TTLL5: variants seen among roughly 807,000 people sequenced by gnomAD.
TTLL5 encodes the protein tubulin polyglutamylase TTLL5.
TTLL5 carries 132 observed loss-of-function variants against 168.4 expected under a neutral mutation model. The observed-to-expected ratio is 0.78, with a 90% CI of 0.68 to 0.91. TTLL5 has a LOEUF of 0.91. TTLL5 is among the 40% of genes least tolerant of loss of function. TTLL5 has a pLI of 0.00. For synonymous variants in TTLL5, 546 were observed against 558.6 expected, an observed-to-expected ratio of 0.98 and a Z score of 0.32; for missense variants, 1,545 against 1,581.5, an observed-to-expected ratio of 0.98 and a Z score of 0.39.
rs769288774 is a variant in TTLL5, at chr14:75,908,003, C to T, written c.3823+5779C>T. Reference sequence around the variant, plus strand: ...TTCCTTGAACCTCATTCATTAGTATCCTTTACAATCCACCCTGAACATTAC... The same window carrying T: ...TTCCTTGAACCTCATTCATTAGTATTCTTTACAATCCACCCTGAACATTAC... On this transcript the variant is annotated intron_variant, in intron 31 of 31. Coordinates refer to ENST00000298832, the MANE Select transcript of TTLL5 (RefSeq NM_015072.5). Among the ~76,000 whole-genome samples the T allele has an allele frequency of 2.6e-5, 4 of 152,310 alleles. No individual in the cohort carries two copies. The South Asian group carries it at 8.3e-4, about 32-fold the overall frequency.
At position 75,690,312 on chromosome 14, in the gene TTLL5, G is replaced by A. The variant is rs374875191; in HGVS notation, c.492G>A (p.Ala164=). The change falls in exon 6 of 32, where the codon GCG becomes GCA. Residue 164 remains alanine, a synonymous_variant. Coordinates refer to ENST00000298832, the MANE Select transcript of TTLL5 (RefSeq NM_015072.5). ...CCTTCCTCCTGCCAGCTGAGTACGCGGAATTTTGTAGTAAGTGCTTGACAG... is the reference window on the plus strand; with the variant it reads ...CCTTCCTCCTGCCAGCTGAGTACGCAGAATTTTGTAGTAAGTGCTTGACAG... ...PQTFLLPAEY[A]EFCNSYSKDR... 251 of 1,605,682 alleles carry A rather than the reference G, an allele frequency of 1.6e-4. No homozygotes were observed. The highest frequency in any genetic ancestry group is 6.6e-4 in the Middle Eastern group (4 of 6,062).
chr14:75,899,510 G>A (rs548969321), intron 30 of TTLL5, among the ~76,000 whole-genome samples: 52 of 152,352 alleles, frequency 3.4e-4, no homozygotes, highest in African/African-American at 1.1e-3. Flanking sequence ...GTGTACCAGT[G>A]TTTCCATGGA....
intron 5 of TTLL5, chr14:75,689,330 C>T (rs1372434182): frequency 6.6e-6 from 1 of 152,218 alleles, no homozygotes; most frequent in African/African-American, 2.4e-5. Flanking sequence ...ACCTAGCTCT[C>T]TCACTCCCAC....
chr14:75,894,055 A>G (rs2032537515), intron 30 of TTLL5, among the ~76,000 whole-genome samples: 1 of 152,204 alleles, frequency 6.6e-6, no homozygotes, highest in Non-Finnish European at 1.5e-5. Context: ...ATTTAGAGAT[A>G]ACAAAGATAA....
chr14:75,757,616 T>C (rs1890362292), intron 18 of TTLL5, among the ~76,000 whole-genome samples: 1 of 152,234 alleles, frequency 6.6e-6, no homozygotes, highest in African/African-American at 2.4e-5. Context: ...TGTCCTTTTT[T>C]GTTTTTTATT....
chr14:75,855,786 C>G (rs1435733399), intron 28 of TTLL5, among the ~76,000 whole-genome samples: 1 of 152,188 alleles, frequency 6.6e-6, no homozygotes, highest in Non-Finnish European at 1.5e-5. Context: ...TTGAGTTTCT[C>G]CAGGTTAACC....
intron 31 of TTLL5, among the ~76,000 whole-genome samples, chr14:75,937,122 A>AT (rs33999782): frequency 0.78 from 114,182 of 146,204 alleles, 44,474 homozygotes; most frequent in Admixed American, 0.83. Flanking sequence ...GTACATTTAC[A>AT]TTTTTTTTTT....
chr14:75,873,275 C>T (rs546073356), intron 29 of TTLL5, among the ~76,000 whole-genome samples: 11 of 152,122 alleles, frequency 7.2e-5, no homozygotes, highest in East Asian at 2.0e-4. Flanking sequence ...GGGGTTTCAC[C>T]GTGTTAGCCA....
chr14:75,831,326 T>A (rs1265270641), intron 28 of TTLL5, among the ~76,000 whole-genome samples: 1 of 152,230 alleles, frequency 6.6e-6, no homozygotes, highest in East Asian at 1.9e-4. Flanking sequence ...GGGAATATTC[T>A]AATGCCTTGG....
In TTLL5 at chr14:75,810,373, C is replaced by T. The variant is rs138872503; in HGVS notation, c.3172-9634C>T. On this transcript the variant is annotated intron_variant, in intron 27 of 31. Coordinates refer to ENST00000298832, the MANE Select transcript of TTLL5 (RefSeq NM_015072.5). ...TCTCTCTCTGTTTTTCTTTTTGAGA[C>T]AGGATCTTGCTCTGTCACCCAGGCT... Among the ~76,000 whole-genome samples, 624 of 152,064 alleles carry T rather than the reference C, an allele frequency of 4.1e-3. 3 individuals carry two copies. Among genetic ancestry groups the T allele is most frequent in the East Asian group, 0.015 (75 of 5,162 alleles).
intron 19 of TTLL5, among the ~76,000 whole-genome samples, chr14:75,765,676 A>T (rs144201568): frequency 1.2e-4 from 19 of 152,258 alleles, no homozygotes; most frequent in African/African-American, 4.6e-4. Flanking sequence ...CAGCCCAGGC[A>T]ATCTGGCAAA....
intron 29 of TTLL5, among the ~76,000 whole-genome samples, chr14:75,881,421 C>T (rs1347710737): frequency 1.3e-5 from 2 of 152,192 alleles, no homozygotes. Flanking sequence ...CTGGATCCCC[C>T]TCTCATATCT....
intron 18 of TTLL5, among the ~76,000 whole-genome samples, chr14:75,761,963 A>G (rs768180037): frequency 5.9e-5 from 9 of 152,174 alleles, no homozygotes; most frequent in Non-Finnish European, 1.2e-4. Context: ...AGATAGACTG[A>G]TGGATGAAGG....
chr14:75,863,646 C>T (rs1327126800), intron 28 of TTLL5, 21 bp from the exon 29 acceptor site: 1 of 1,580,992 alleles, frequency 6.3e-7, no homozygotes. Context: ...CTCTAAGAAA[C>T]CTGCTTGCTT....
At chr14:75,804,835 C>G (rs563046279) in intron 27 of TTLL5, among the ~76,000 whole-genome samples, 1 of 152,270 alleles carries the variant, frequency 6.6e-6, no homozygotes, top group African/African-American at 2.4e-5. Context: ...CTACTTGTGC[C>G]TCTCTGTTCC....
At chr14:75,871,385 T>G (rs1169675468) in intron 29 of TTLL5, among the ~76,000 whole-genome samples, 1 of 152,112 alleles carries the variant, frequency 6.6e-6, no homozygotes, top group Non-Finnish European at 1.5e-5. Context: ...GCTGCCTGAT[T>G]GTGGAGATAA....
intron 28 of TTLL5, among the ~76,000 whole-genome samples, chr14:75,859,852 G>A (rs548467806): frequency 2.0e-5 from 3 of 152,270 alleles, no homozygotes; most frequent in East Asian, 3.9e-4. Context: ...TATAGCATTA[G>A]CATACTGCAA....
At chr14:75,951,881 A>G (rs565078946) in intron 31 of TTLL5, among the ~76,000 whole-genome samples, 72 of 152,382 alleles carry the variant, frequency 4.7e-4, no homozygotes, top group Non-Finnish European at 8.5e-4. Flanking sequence ...TTCAATAAGC[A>G]GTTTCTTAGA....
intron 12 of TTLL5, among the ~76,000 whole-genome samples, chr14:75,727,165 G>A (rs750046578): frequency 2.0e-5 from 3 of 152,164 alleles, no homozygotes; most frequent in Non-Finnish European, 4.4e-5. Flanking sequence ...CTTACCATAT[G>A]ACCCAGTAGT....
Sources: gnomAD v4.1 joint callset for allele counts (sites outside exome capture counted in the v4.1 genomes callset) on GRCh38, gnomAD v4.1.1 for gene constraint, MANE v1.5 for transcripts, NCBI Gene and HGNC (gene_info 2026-07-23, HGNC 2026-07-21) for gene names.